Variants in ARHGAP22 observed in about 807,000 individuals in gnomAD.
ARHGAP22 encodes rho GTPase-activating protein 22.
A neutral mutation model predicts 59.1 loss-of-function variants in ARHGAP22; 48 were observed. The observed-to-expected ratio is 0.81, with a 90% CI of 0.64 to 1.03. ARHGAP22 has a LOEUF of 1.03. Ranked by LOEUF, ARHGAP22 falls within the 50% of genes least tolerant of loss-of-function variation. ARHGAP22 has a pLI of 0.00. For missense variants in ARHGAP22, 1,015 were observed against 958.7 expected (o/e 1.06, Z -0.78); for synonymous variants, 445 against 416.4 (o/e 1.07, Z -0.84).
At chr10:48,648,785 C>A (rs553099787) in intron 1 of ARHGAP22, among the ~76,000 whole-genome samples, 2 of 152,196 alleles carry the variant, frequency 1.3e-5, no homozygotes, top group African/African-American at 2.4e-5. Flanking sequence ...GGTGGGGGAG[C>A]GTGGGGTGCT....
At chr10:48,602,015 C>A (rs1385027100) in intron 1 of ARHGAP22, among the ~76,000 whole-genome samples, 1 of 152,214 alleles carries the variant, frequency 6.6e-6, no homozygotes, top group African/African-American at 2.4e-5. Flanking sequence ...TTAGATCCCA[C>A]ATTTATTGGC....
chr10:48,605,223 C>T (rs904160658), upstream of ARHGAP22: 7 of 927,082 alleles, frequency 7.6e-6, no homozygotes, highest in African/African-American at 7.1e-5. Context: ...GGGGTTCCGG[C>T]CATCCTTTGC....
At chr10:48,507,876 A>G (rs1464221338) in intron 3 of ARHGAP22, among the ~76,000 whole-genome samples, 1 of 128,998 alleles carries the variant, frequency 7.8e-6, no homozygotes, top group African/African-American at 2.9e-5. Context: ...TTACACCGTG[A>G]GCAACTGAGG....
Position 48,459,740 on chromosome 10 carries a change from G to T in ARHGAP22, c.603C>A (p.Asn201Lys), listed in dbSNP as rs1201638700. 6.2e-7 allele frequency: 1 copy of T among 1,614,162 alleles called. No homozygotes were observed. The highest frequency in any genetic ancestry group is 1.7e-5 in the Admixed American group (1 of 60,028). Residue 201 changes from asparagine (N) to lysine (K), a missense_variant, in exon 5 of 10, where the codon AAC (asparagine) becomes AAA (lysine). Physicochemically the swap from Asn to Lys is moderately conservative, Grantham distance 94. Coordinates refer to ENST00000249601, the MANE Select transcript of ARHGAP22 (RefSeq NM_021226.4). ...AGGAATCCTGCAGGTCCCTCACCAG[G>T]TTGGCCTGGCCTGGCATGCGGAACA... ...EGLFRMPGQA[N>K]LVRDLQDSFD...
At chr10:48,493,363 T>C in intron 3 of ARHGAP22, 1 of 1,423,288 alleles carries the variant, frequency 7.0e-7, no homozygotes, top group South Asian at 1.2e-5. Context: ...CCACTTCCCT[T>C]TCAAGGGTTA....
At chr10:48,457,305 C>A (rs535081261) in intron 5 of ARHGAP22, among the ~76,000 whole-genome samples, 1 of 152,188 alleles carries the variant, frequency 6.6e-6, no homozygotes, top group Non-Finnish European at 1.5e-5. Flanking sequence ...CCAGCCGGGC[C>A]GCCTGCTTCA....
rs550822605 is a variant in ARHGAP22, at chr10:48,533,207, A to T, written c.322+22256T>A. On this transcript the variant is annotated intron_variant, in intron 3 of 9. Transcript: ENST00000249601. ...TTTTTTTTTTTTTTTTTAACTAAGT[A>T]TATGATTCTGGGGAAGGTGGGTATT... Among the ~76,000 whole-genome samples the T allele has an allele frequency of 4.1e-5, 6 of 145,068 alleles. No individual in the cohort carries two copies. In the East Asian group the frequency reaches 7.9e-4, roughly 19 times the overall value.
At chr10:48,648,770 A>T (rs904641882) in intron 1 of ARHGAP22, among the ~76,000 whole-genome samples, 23 of 152,196 alleles carry the variant, frequency 1.5e-4, no homozygotes, top group Admixed American at 1.4e-3. Flanking sequence ...GAGCAGGCGC[A>T]GCGGGGTGGG....
At chr10:48,443,570 C>G (rs1157022296), downstream of ARHGAP22, among the ~76,000 whole-genome samples, 1 of 152,048 alleles carries the variant, frequency 6.6e-6, no homozygotes, top group Non-Finnish European at 1.5e-5. Flanking sequence ...TAAGGAGACA[C>G]AGCAGCAGTG....
At chr10:48,645,168 A>G (rs2062239393) in intron 1 of ARHGAP22, among the ~76,000 whole-genome samples, 1 of 152,180 alleles carries the variant, frequency 6.6e-6, no homozygotes, top group Non-Finnish European at 1.5e-5. Flanking sequence ...ATATACATGC[A>G]CGTGCCCCCA....
chr10:48,647,846 C>G lies in ARHGAP22; in HGVS notation c.52+4388G>C, dbSNP rs74836181. Among the ~76,000 whole-genome samples the G allele has an allele frequency of 6.6e-4, 101 of 152,290 alleles. 2 individuals are homozygous for G. In the East Asian group the frequency reaches 0.019, roughly 28 times the overall value. ...TGTGCATCCCTACAAGGGAGTATTA[C>G]TCAGCTACAAAGGAGCACACTGATC... On this transcript the variant is annotated intron_variant, in intron 1 of 9. Transcript: ENST00000435790.
intron 1 of ARHGAP22, among the ~76,000 whole-genome samples, chr10:48,640,805 A>T (rs1565043961): frequency 1.3e-5 from 2 of 152,186 alleles, no homozygotes; most frequent in African/African-American, 4.8e-5. Flanking sequence ...GAAATGGTAA[A>T]CATGTGGGTT....
At chr10:48,588,332 T>C (rs150267972) in intron 1 of ARHGAP22, among the ~76,000 whole-genome samples, 148 of 152,356 alleles carry the variant, frequency 9.7e-4, no homozygotes, top group African/African-American at 3.3e-3. Flanking sequence ...CAGATGCTAC[T>C]GAAGCTGCAA....
At chr10:48,481,857 C>A (rs11101341) in intron 3 of ARHGAP22, among the ~76,000 whole-genome samples, 1 of 152,182 alleles carries the variant, frequency 6.6e-6, no homozygotes, top group African/African-American at 2.4e-5. Context: ...TCCCAAATGA[C>A]TGATGATATT....
rs2045817134 is a variant in ARHGAP22 at position 48,450,533 on chromosome 10, G to A, written c.1596C>T (p.Cys532=). ...TGCGGGCAGACGAGTCGCTGGCGCG[G>A]CAGGCCGTGCAGCTGCTGAGTGAGC... ...VGGSLSSCTA[C]RASDSSARSS... The change falls in exon 9 of 10, where the codon TGC becomes TGT. Residue 532 remains cysteine (C), a synonymous_variant. Transcript: ENST00000249601. The A allele has an allele frequency of 1.3e-6, 2 of 1,516,808 alleles. No individual in the cohort carries two copies. Among genetic ancestry groups the A allele is most frequent in the Admixed American group, 2.0e-5 (1 of 49,044 alleles). 94.0% of individuals were successfully genotyped at this position (1,516,808 alleles called of 1,614,324 possible). A position where few individuals can be genotyped will look rare whatever the true frequency, so the allele number is the denominator to read the frequency against.
chr10:48,600,492 C>G (rs2060317915), intron 1 of ARHGAP22, among the ~76,000 whole-genome samples: 1 of 151,014 alleles, frequency 6.6e-6, no homozygotes, highest in African/African-American at 2.4e-5. Context: ...TAAATTATGC[C>G]TCAATAAGAA....
chr10:48,461,777 C>T (rs895559459), intron 4 of ARHGAP22, among the ~76,000 whole-genome samples: 3 of 152,210 alleles, frequency 2.0e-5, no homozygotes, highest in African/African-American at 7.2e-5. Flanking sequence ...GTGCAGAGAC[C>T]TTCCCTGCAG....
intron 2 of ARHGAP22, chr10:48,582,714 C>G (rs1017305249): frequency 9.6e-5 from 55 of 572,460 alleles, no homozygotes; most frequent in Middle Eastern, 4.7e-4. Flanking sequence ...CAAGGACATT[C>G]TCTATCAACA....
chr10:48,614,581 G>T (rs1461759696), intron 1 of ARHGAP22, among the ~76,000 whole-genome samples: 1 of 152,154 alleles, frequency 6.6e-6, no homozygotes, highest in Non-Finnish European at 1.5e-5. Flanking sequence ...GTCTCCTGTA[G>T]CAGCAGCAGC....
Sources: gnomAD v4.1 joint callset for allele counts (sites outside exome capture counted in the v4.1 genomes callset) on GRCh38, gnomAD v4.1.1 for gene constraint, MANE v1.5 for transcripts, NCBI Gene and HGNC (gene_info 2026-07-23, HGNC 2026-07-21) for gene names.